Variants in ADGRG7 observed in about 807,000 individuals in gnomAD.
ADGRG7 encodes the protein adhesion G protein-coupled receptor G7.
Under a neutral mutation model 88.6 loss-of-function variants are expected in ADGRG7, and 82 were observed. The observed-to-expected ratio is 0.93, with a 90% CI of 0.77 to 1.11. ADGRG7 has a LOEUF of 1.11. Ranked by LOEUF, ADGRG7 falls within the 50% of genes most tolerant of loss-of-function variation. ADGRG7 has a pLI of 0.00. For synonymous variants in ADGRG7, 381 were observed against 345.2 expected (o/e 1.10, Z -1.15); for missense variants, 945 against 953.4 (o/e 0.99, Z 0.12).
chr3:100,669,805 A>G (rs981271686), intron 15 of ADGRG7, among the ~76,000 whole-genome samples: 13 of 152,092 alleles, frequency 8.5e-5, no homozygotes, highest in African/African-American at 2.9e-4. Context: ...GGAGGCTGAG[A>G]CAGGTGGATT....
intron 6 of ADGRG7, among the ~76,000 whole-genome samples, chr3:100,639,383 C>T (rs1260920207): frequency 6.6e-5 from 10 of 152,080 alleles, no homozygotes; most frequent in Admixed American, 1.3e-4. Context: ...ACCTACTTAG[C>T]GTTGAATTTT....
At chr3:100,648,974 G>T (rs760357499) in intron 10 of ADGRG7, among the ~76,000 whole-genome samples, 1 of 151,800 alleles carries the variant, frequency 6.6e-6, no homozygotes, top group Non-Finnish European at 1.5e-5. Flanking sequence ...TAAAAATAAG[G>T]CTTCCTTTAA....
At chr3:100,650,744 CGTGGGGTG>C (rs1359053696) in intron 11 of ADGRG7, among the ~76,000 whole-genome samples, 5 of 152,050 alleles carry the variant, frequency 3.3e-5, no homozygotes, top group Non-Finnish European at 5.9e-5. Context: ...ATAGATGACT[CGTGGGGTG>C]CCACTTTGAG....
intron 14 of ADGRG7, among the ~76,000 whole-genome samples, chr3:100,662,706 G>T (rs2094947030): frequency 6.6e-6 from 1 of 152,004 alleles, no homozygotes; most frequent in Non-Finnish European, 1.5e-5. Flanking sequence ...GACCATGAAG[G>T]AGGGTCCCAG....
Position 100,670,751 on chromosome 3 carries a change from C to G in ADGRG7, c.2136+1646C>G, listed in dbSNP as rs151212795. On this transcript the variant is annotated intron_variant, in intron 15 of 15. Transcript: ENST00000273352. The stretch of plus-strand genomic sequence containing the variant: ...GACAGGCCCCAGTGTGTGATGTTCC[C>G]CTCCCTGTGTCCACGTGTTCTCATT... Among the ~76,000 whole-genome samples the G allele has an allele frequency of 6.7e-3, 1,026 of 152,228 alleles. 18 individuals are homozygous for G. The highest frequency in any genetic ancestry group is 0.024 in the African/African-American group (976 of 41,524).
rs182244203 is a variant in ADGRG7 at position 100,686,293 on chromosome 3, A to G, written c.2137-8451A>G. On this transcript the variant is annotated intron_variant, in intron 15 of 15. Transcript: ENST00000273352. Reference sequence around the variant, plus strand: ...GATATTAGCCCTTTGTCAGATGAGTAGGTTCCAAAAATTTTCTCCCATTCT... The same window carrying G: ...GATATTAGCCCTTTGTCAGATGAGTGGGTTCCAAAAATTTTCTCCCATTCT... 9.9e-5 allele frequency among the ~76,000 whole-genome samples: 15 copies of G among 152,268 alleles called. No homozygotes were observed. In the East Asian group the frequency reaches 2.7e-3, roughly 27 times the overall value.
Position 100,654,859 on chromosome 3 carries a change from C to A in ADGRG7, c.1404C>A (p.Thr468=). Residue 468 remains threonine, a synonymous_variant, in exon 12 of 16, where the codon ACC becomes ACA. Transcript: ENST00000273352. ...GGAAAGTCAGAAAAACCTCAGTAAC[C>A]TGGGTTTTGGTCAATCTGTGCATAT... ...VTRKVRKTSV[T]WVLVNLCISM... 6.3e-7 allele frequency: 1 copy of A among 1,581,726 alleles called. No homozygotes were observed. Among genetic ancestry groups the A allele is most frequent in the Middle Eastern group, 1.7e-4 (1 of 5,906 alleles).
intron 11 of ADGRG7, 22 bp from the exon 12 acceptor site, chr3:100,654,813 A>T: frequency 7.2e-7 from 1 of 1,393,564 alleles, no homozygotes; most frequent in South Asian, 1.4e-5. Flanking sequence ...TAATTTTTTT[A>T]TATTAATTTA....
chr3:100,695,343 C>A lies in ADGRG7; in HGVS notation c.*342C>A, dbSNP rs1295270823. The A allele has an allele frequency of 4.9e-6, 1 of 204,118 alleles. No homozygotes were observed. The highest frequency in any genetic ancestry group is 9.8e-6 in the Non-Finnish European group (1 of 101,736). The allele number at this position is 204,118 out of a possible 1,614,324, so 12.6% of individuals were successfully genotyped here. ...TACTATAAAGGACACAAAGAGAAAA[C>A]TTTACCTTCCAGAACAAAATGACTC... On this transcript the variant is annotated 3_prime_UTR_variant, in exon 16 of 16. Transcript: ENST00000273352.
chr3:100,689,226 C>A (rs1290397768), intron 15 of ADGRG7, among the ~76,000 whole-genome samples: 1 of 152,048 alleles, frequency 6.6e-6, no homozygotes, highest in Non-Finnish European at 1.5e-5. Context: ...TTTCCATTTG[C>A]TTGGTAGATC....
At chr3:100,678,373 T>C (rs1029543396) in intron 15 of ADGRG7, among the ~76,000 whole-genome samples, 14 of 152,220 alleles carry the variant, frequency 9.2e-5, no homozygotes, top group Non-Finnish European at 1.6e-4. Context: ...TCAAAATAGC[T>C]ATTTTGAATT....
At chr3:100,618,863 T>C (rs2149012360) in intron 1 of ADGRG7, among the ~76,000 whole-genome samples, 1 of 152,326 alleles carries the variant, frequency 6.6e-6, no homozygotes, top group Middle Eastern at 3.4e-3. Context: ...GGAATGTTCT[T>C]CCATTTGTTT....
intron 1 of ADGRG7, among the ~76,000 whole-genome samples, chr3:100,617,415 T>G (rs1707241084): frequency 7.1e-6 from 1 of 140,000 alleles, no homozygotes; most frequent in African/African-American, 2.6e-5. Context: ...TTCCCCTTCC[T>G]GTGTCCATGG....
intron 15 of ADGRG7, among the ~76,000 whole-genome samples, chr3:100,684,657 T>C (rs1391863226): frequency 6.6e-6 from 1 of 152,132 alleles, no homozygotes; most frequent in Non-Finnish European, 1.5e-5. Flanking sequence ...TTGTGTTATC[T>C]TAGTTTTTTT....
At chr3:100,632,406 A>G (rs936909273) in intron 3 of ADGRG7, among the ~76,000 whole-genome samples, 1 of 152,148 alleles carries the variant, frequency 6.6e-6, no homozygotes. Flanking sequence ...CTAATTACTC[A>G]ATATTATATA....
chr3:100,620,457 G>A (rs943781886), intron 1 of ADGRG7, among the ~76,000 whole-genome samples: 1 of 152,158 alleles, frequency 6.6e-6, no homozygotes, highest in African/African-American at 2.4e-5. Flanking sequence ...ACATCATACT[G>A]AATGGGCAAA....
intron 15 of ADGRG7, among the ~76,000 whole-genome samples, chr3:100,681,534 C>T (rs1246894817): frequency 6.6e-6 from 1 of 152,080 alleles, no homozygotes; most frequent in Non-Finnish European, 1.5e-5. Context: ...TGGTCTTGAA[C>T]TCCTGACCTC....
chr3:100,643,927 T>C (rs2149024676), intron 8 of ADGRG7, among the ~76,000 whole-genome samples: 2 of 152,366 alleles, frequency 1.3e-5, no homozygotes, highest in South Asian at 4.1e-4. Context: ...AAGGTGGTTC[T>C]GTTTTACACT....
intron 8 of ADGRG7, 60 bp from the exon 9 acceptor site, chr3:100,645,885 A>G (rs1009012381): frequency 5.5e-6 from 8 of 1,448,622 alleles, no homozygotes; most frequent in African/African-American, 1.4e-5. Context: ...AACGTGACAT[A>G]TTGTTTTTTG....
Sources: gnomAD v4.1 joint callset for allele counts (sites outside exome capture counted in the v4.1 genomes callset) on GRCh38, gnomAD v4.1.1 for gene constraint, MANE v1.5 for transcripts, NCBI Gene and HGNC (gene_info 2026-07-23, HGNC 2026-07-21) for gene names.